Variants in NANOS3 observed in about 807,000 individuals in gnomAD.
NANOS3 encodes nanos homolog 3.
A neutral mutation model predicts 13.8 loss-of-function variants in NANOS3; 11 were observed. That is an observed-to-expected ratio of 0.80 (90% CI 0.50 to 1.32). The LOEUF (loss-of-function observed/expected upper bound fraction) is 1.32. Ranked by LOEUF, NANOS3 falls within the 40% of genes most tolerant of loss-of-function variation. NANOS3 has a pLI of 0.00. For missense variants in NANOS3, 221 were observed against 263.8 expected (o/e 0.84, Z 1.12); for synonymous variants, 119 against 115.4 (o/e 1.03, Z -0.20).
rs201042507 is a variant in NANOS3, at chr19:13,877,403, C to T, written c.155C>T (p.Pro52Leu). ...PVSALEPMPAPESVPVPGPKD... is the reference protein window; with the variant it reads ...PVSALEPMPALESVPVPGPKD... ...TCAGCCCTGGAGCCGATGCCAGCGC[C>T]GGAGTCGGTGCCAGTGCCGGGACCC... Residue 52 changes from proline (P) to leucine (L), a missense_variant, in exon 1 of 2, where the codon CCG becomes CTG. By Grantham distance (98) the Pro-to-Leu change is moderately conservative (BLOSUM62 -3). Transcript: ENST00000339133. The T allele has an allele frequency of 2.7e-5, 44 of 1,606,214 alleles. 1 individual carries two copies. The highest frequency in any genetic ancestry group is 2.1e-4 in the South Asian group (19 of 90,666).
At chr19:13,870,119 C>G (rs1243237137) in intron 1 of NANOS3, among the ~76,000 whole-genome samples, 1 of 151,798 alleles carries the variant, frequency 6.6e-6, no homozygotes, top group Non-Finnish European at 1.5e-5. Flanking sequence ...GGCGTGACTG[C>G]GTCTCACTCA....
At chr19:13,869,168 T>C (rs1976286496) in intron 1 of NANOS3, among the ~76,000 whole-genome samples, 1 of 152,194 alleles carries the variant, frequency 6.6e-6, no homozygotes, top group East Asian at 1.9e-4. Context: ...ATTTCCCTTA[T>C]TAAAAAATTT....
At chr19:13,864,321 A>G (rs1976199047), upstream of NANOS3, among the ~76,000 whole-genome samples, 1 of 152,020 alleles carries the variant, frequency 6.6e-6, no homozygotes, top group Non-Finnish European at 1.5e-5. Context: ...GCCTGTATAT[A>G]TGCTTGTGCC....
chr19:13,872,665 A>C (rs1211970977), upstream of NANOS3, among the ~76,000 whole-genome samples: 2 of 152,188 alleles, frequency 1.3e-5, no homozygotes, highest in African/African-American at 4.8e-5. Flanking sequence ...ATGATCCACA[A>C]GGCAGGGGAC....
upstream of NANOS3, among the ~76,000 whole-genome samples, chr19:13,876,929 G>T (rs1471755781): frequency 6.6e-6 from 1 of 152,114 alleles, no homozygotes; most frequent in East Asian, 1.9e-4. Context: ...TGTGTACGGG[G>T]GGCTGTGGTG....
In NANOS3 at chr19:13,877,572, G is replaced by A; in HGVS notation, c.324G>A (p.Arg108=). 4 of 1,612,298 alleles carry A rather than the reference G, an allele frequency of 2.5e-6. No homozygotes were observed. The highest frequency in any genetic ancestry group is 1.7e-6 in the Non-Finnish European group (2 of 1,179,994). The change falls in exon 1 of 2, where the codon CGG becomes CGA. Residue 108 remains arginine, a synonymous_variant. Transcript: ENST00000339133. ...GCAGGGTGCTGTGTCCCATCCTGCGGGACTACGTGTGTCCCCAGTGCGGCG... is the reference window on the plus strand; with the variant it reads ...GCAGGGTGCTGTGTCCCATCCTGCGAGACTACGTGTGTCCCCAGTGCGGCG... ...EAGRVLCPIL[R]DYVCPQCGAT...
intron 1 of NANOS3, 83 bp downstream of exon 1, chr19:13,877,848 A>C: frequency 6.8e-7 from 1 of 1,471,798 alleles, no homozygotes; most frequent in Non-Finnish European, 9.0e-7. Context: ...CCCAGTACCC[A>C]CCTCCAAGGG....
At chr19:13,869,294 A>G (rs1225271448) in intron 1 of NANOS3, among the ~76,000 whole-genome samples, 1 of 152,106 alleles carries the variant, frequency 6.6e-6, no homozygotes, top group African/African-American at 2.4e-5. Context: ...GACTACGGGC[A>G]TGAGCCACCG....
intron 1 of NANOS3, among the ~76,000 whole-genome samples, chr19:13,870,165 G>A (rs913209009): frequency 6.6e-6 from 1 of 151,758 alleles, no homozygotes; most frequent in Non-Finnish European, 1.5e-5. Flanking sequence ...CGTCAGCCTC[G>A]ACTTCCCTGG....
Position 13,877,481 on chromosome 19 carries a change from C to G in NANOS3, c.233C>G (p.Ser78Cys). The change falls in exon 1 of 2, where the codon TCT becomes TGT. Residue 78 changes from serine (S) to cysteine (C), a missense_variant. Around this residue, in one of 3 missense-constraint regions of NANOS3, gnomAD observed 112 missense variants for 116.3 expected, o/e 0.96. Transcript: ENST00000339133. ...TCGCCAGCTCCCGAACGCCTGTGCT[C>G]TTTCTGCAAACACAACGGCGAGTCC... is the stretch of plus-strand genomic sequence containing the variant. ...ESSPAPERLC[S>C]FCKHNGESRA... 6.2e-7 allele frequency: 1 copy of G among 1,611,738 alleles called. No individual in the cohort carries two copies. The highest frequency in any genetic ancestry group is 8.5e-7 in the Non-Finnish European group (1 of 1,179,994).
chr19:13,877,041 C>G (rs149586075), upstream of NANOS3, among the ~76,000 whole-genome samples: 1,482 of 152,232 alleles, frequency 9.7e-3, 10 homozygotes, highest in Non-Finnish European at 0.017. Context: ...GGGCACCAGG[C>G]CCCCCTGTGA....
rs766878899 is a variant in NANOS3 at position 13,877,725 on chromosome 19, A to T, written c.477A>T (p.Thr159=). The change falls in exon 1 of 2, where the codon ACA becomes ACT. Residue 159 remains threonine, a synonymous_variant. Coordinates refer to ENST00000339133, the MANE Select transcript of NANOS3 (RefSeq NM_001098622.3). Reference sequence around the variant, plus strand: ...TGGTCCGGCCTGACAAGGCGAAGACACAGGACACAGGCCACCGCCGAGGAG... The same window carrying T: ...TGGTCCGGCCTGACAAGGCGAAGACTCAGGACACAGGCCACCGCCGAGGAG... ...KKLVRPDKAK[T]QDTGHRRGGG... is the part of the protein sequence containing the mutation. The T allele has an allele frequency of 1.9e-5, 31 of 1,597,180 alleles. No individual in the cohort carries two copies. The highest frequency in any genetic ancestry group is 2.5e-5 in the Non-Finnish European group (29 of 1,173,472).
chr19:13,863,353 G>A (rs1976184789), upstream of NANOS3, among the ~76,000 whole-genome samples: 1 of 151,932 alleles, frequency 6.6e-6, no homozygotes, highest in Non-Finnish European at 1.5e-5. Context: ...GGGACTATAG[G>A]CGCTCACCAC....
At chr19:13,867,640 C>T (rs977957535) in intron 1 of NANOS3, among the ~76,000 whole-genome samples, 1 of 151,982 alleles carries the variant, frequency 6.6e-6, no homozygotes, top group Non-Finnish European at 1.5e-5. Flanking sequence ...TAGCTCACAG[C>T]AGCCTCAAAC....
chr19:13,866,888 TACAC>T (rs538019819), intron 1 of NANOS3, among the ~76,000 whole-genome samples: 14 of 151,408 alleles, frequency 9.2e-5, no homozygotes, highest in East Asian at 7.7e-4. Flanking sequence ...CACACACACA[TACAC>T]ACACACACAG....
intron 1 of NANOS3, among the ~76,000 whole-genome samples, chr19:13,879,745 C>A (rs1298889511): frequency 6.7e-6 from 1 of 148,548 alleles, no homozygotes; most frequent in African/African-American, 2.5e-5. Flanking sequence ...AAAAAAAGCA[C>A]TGGTCATGGT....
At chr19:13,877,034 C>A (rs1206037131), upstream of NANOS3, among the ~76,000 whole-genome samples, 2 of 152,156 alleles carry the variant, frequency 1.3e-5, no homozygotes, top group East Asian at 3.9e-4. Flanking sequence ...ATTAGTGGGG[C>A]ACCAGGCCCC....
intron 1 of NANOS3, among the ~76,000 whole-genome samples, chr19:13,871,931 C>T (rs563591190): frequency 1.2e-4 from 18 of 152,020 alleles, no homozygotes; most frequent in Admixed American, 7.9e-4. Flanking sequence ...GCTGGGAGGT[C>T]GAGGCTGCAG....
chr19:13,877,405 G>T lies in NANOS3; in HGVS notation c.157G>T (p.Glu53Ter), dbSNP rs758412184. The change falls in exon 1 of 2, where the codon GAG becomes TAG. Residue 53 changes from glutamate to a stop codon, truncating the protein, a stop_gained. Transcript: ENST00000339133. LOFTEE classifies it high-confidence loss of function. Reference protein sequence around the residue: ...VSALEPMPAPESVPVPGPKDQ... With the variant: ...VSALEPMPAP ...AGCCCTGGAGCCGATGCCAGCGCCG[G>T]AGTCGGTGCCAGTGCCGGGACCCAA... The T allele has an allele frequency of 9.9e-6, 16 of 1,612,502 alleles. No individual in the cohort carries two copies. The highest frequency in any genetic ancestry group is 1.4e-5 in the Non-Finnish European group (16 of 1,180,000).
Sources: allele counts gnomAD v4.1 joint callset (sites outside exome capture counted in the v4.1 genomes callset), GRCh38; gene constraint gnomAD v4.1.1; regional missense constraint gnomAD v4.1.1; transcripts MANE v1.5; gene names NCBI Gene and HGNC (gene_info 2026-07-23, HGNC 2026-07-21).